HPSE2: variants seen among roughly 807,000 people sequenced by gnomAD.
HPSE2 encodes the protein inactive heparanase-2.
Under a neutral mutation model 60.5 loss-of-function variants are expected in HPSE2, and 38 were observed. That is an observed-to-expected ratio of 0.63 (90% CI 0.48 to 0.82). The LOEUF (loss-of-function observed/expected upper bound fraction) is 0.82. Among genes scored for constraint, HPSE2 ranks in the 40% least tolerant of loss-of-function variants. The pLI, the probability that HPSE2 is intolerant of heterozygous loss-of-function variation, is 0.00. For synonymous variants in HPSE2, 295 were observed against 293.2 expected (o/e 1.01, Z -0.06); for missense variants, 713 against 740.4 (o/e 0.96, Z 0.43).
intron 3 of HPSE2, among the ~76,000 whole-genome samples, chr10:99,040,443 A>C (rs1457780675): frequency 6.6e-6 from 1 of 152,178 alleles, no homozygotes; most frequent in South Asian, 2.1e-4. Flanking sequence ...TATTCTCACC[A>C]GTAGAGTCCA....
rs1955163231 is a variant in HPSE2 at position 98,945,786 on chromosome 10, G to A, written c.610+198452C>T. Reference sequence around the variant, plus strand: ...TTATCAAAACTCCTTTAGAGGAAATGAAATGGTACCTAAAAAGAGAAACAA... The same window carrying A: ...TTATCAAAACTCCTTTAGAGGAAATAAAATGGTACCTAAAAAGAGAAACAA... On this transcript the variant is annotated intron_variant, in intron 3 of 11. Coordinates refer to ENST00000370552, the MANE Select transcript of HPSE2 (RefSeq NM_021828.5). Among the ~76,000 whole-genome samples the A allele has an allele frequency of 5.3e-5, 8 of 152,248 alleles. No homozygotes were observed. In the South Asian group the frequency reaches 1.7e-3, roughly 32 times the overall value.
intron 3 of HPSE2, among the ~76,000 whole-genome samples, chr10:99,103,970 T>C (rs553205046): frequency 3.9e-5 from 6 of 152,158 alleles, no homozygotes; most frequent in Admixed American, 2.6e-4. Context: ...TTACACCTTA[T>C]ACAAAAATTA....
rs915610246 is a variant in HPSE2, at chr10:98,864,654, T to C, written c.611-120598A>G. Among the ~76,000 whole-genome samples the C allele has an allele frequency of 2.0e-5, 3 of 152,124 alleles. No individual in the cohort carries two copies. The East Asian group carries it at 5.8e-4, about 29-fold the overall frequency. On this transcript the variant is annotated intron_variant, in intron 3 of 11. Coordinates refer to ENST00000370552, the MANE Select transcript of HPSE2 (RefSeq NM_021828.5). ...ATGGTACATTTCCTAGAGCAGCTAA[T>C]AGGACACTCACAAACACAAGCTGCC...
intron 3 of HPSE2, among the ~76,000 whole-genome samples, chr10:98,967,790 T>A (rs1052051565): frequency 6.6e-6 from 1 of 152,184 alleles, no homozygotes. Context: ...TTGTTGCAGA[T>A]AGATGTAAGA....
At chr10:99,267,155 G>A in the HPSE2 span, among the ~76,000 whole-genome samples, 2 of 151,986 alleles carry the variant, frequency 1.3e-5, no homozygotes, top group South Asian at 2.1e-4. Flanking sequence ...AAACCAAGAC[G>A]AAATCCCTGA....
chr10:98,530,833 C>T (rs544209577), intron 9 of HPSE2, among the ~76,000 whole-genome samples: 2 of 152,214 alleles, frequency 1.3e-5, no homozygotes, highest in South Asian at 4.2e-4. Context: ...CCGAGGTGGC[C>T]CTACTGGAGA....
At chr10:99,023,432 A>T (rs2135431220) in intron 3 of HPSE2, among the ~76,000 whole-genome samples, 1 of 152,284 alleles carries the variant, frequency 6.6e-6, no homozygotes, top group East Asian at 1.9e-4. Flanking sequence ...CACCGACCTG[A>T]AAAGAAGAAT....
intron 6 of HPSE2, among the ~76,000 whole-genome samples, chr10:98,655,142 T>C (rs1177245158): frequency 6.6e-6 from 1 of 152,120 alleles, no homozygotes; most frequent in African/African-American, 2.4e-5. Context: ...TAGCATAGCT[T>C]TCCCCCTGTA....
At chr10:98,685,515 C>CT (rs974097925) in intron 6 of HPSE2, among the ~76,000 whole-genome samples, 31 of 152,168 alleles carry the variant, frequency 2.0e-4, no homozygotes, top group African/African-American at 7.2e-4. Flanking sequence ...TAGAAATGTG[C>CT]TTTTTTATAA....
chr10:99,003,409 T>C (rs920543639), intron 3 of HPSE2, among the ~76,000 whole-genome samples: 22 of 152,124 alleles, frequency 1.4e-4, no homozygotes, highest in African/African-American at 5.1e-4. Flanking sequence ...CTTCAGTTTT[T>C]TGAGGAATGT....
At chr10:99,237,199 G>C (rs1849880639), upstream of HPSE2, among the ~76,000 whole-genome samples, 1 of 152,192 alleles carries the variant, frequency 6.6e-6, no homozygotes, top group Admixed American at 6.5e-5. Flanking sequence ...GCTTCTTTCT[G>C]AGACAAAATG....
At chr10:99,251,200 G>A in the HPSE2 span, among the ~76,000 whole-genome samples, 1 of 152,136 alleles carries the variant, frequency 6.6e-6, no homozygotes, top group African/African-American at 2.4e-5. Flanking sequence ...GATCCTCAGA[G>A]ACTATTATGA....
At chr10:98,539,972 G>A (rs1368935622) in intron 9 of HPSE2, among the ~76,000 whole-genome samples, 1 of 152,222 alleles carries the variant, frequency 6.6e-6, no homozygotes, top group Non-Finnish European at 1.5e-5. Flanking sequence ...GAAGAAGTAG[G>A]GAACCGGGAT....
At chr10:99,168,434 C>T (rs1372195728) in intron 2 of HPSE2, among the ~76,000 whole-genome samples, 1 of 152,126 alleles carries the variant, frequency 6.6e-6, no homozygotes, top group Non-Finnish European at 1.5e-5. Flanking sequence ...GGTGAGTTCT[C>T]CCATTATTTC....
intron 3 of HPSE2, among the ~76,000 whole-genome samples, chr10:98,893,726 C>T (rs1953403844): frequency 6.6e-6 from 1 of 152,032 alleles, no homozygotes; most frequent in Non-Finnish European, 1.5e-5. Context: ...GAAAAGTAAG[C>T]ACTAAAGCCA....
rs532893010 is a variant in HPSE2, at chr10:98,736,982, G to T, written c.784+6901C>A. On this transcript the variant is annotated intron_variant, in intron 4 of 11. Coordinates refer to ENST00000370552, the MANE Select transcript of HPSE2 (RefSeq NM_021828.5). ...GAGTCTGTGGGGAAAGAATTGAGAA[G>T]ATGAAGGTTGAAGGAGAGAAGCAGA... Among the ~76,000 whole-genome samples the T allele has an allele frequency of 5.3e-5, 8 of 152,296 alleles. No homozygotes were observed. The East Asian group carries it at 1.5e-3, about 29-fold the overall frequency.
At chr10:98,845,148 C>T (rs944708264) in intron 3 of HPSE2, among the ~76,000 whole-genome samples, 8 of 152,096 alleles carry the variant, frequency 5.3e-5, no homozygotes, top group Non-Finnish European at 1.5e-5. Flanking sequence ...ATTGCCTCTG[C>T]CTGGGAGCTA....
At position 98,932,264 on chromosome 10, in the gene HPSE2, ATTACATT is replaced by A. The variant is rs1589384359; in HGVS notation, c.611-188215_611-188209del. ...GTCTTTAGTTCTGTTTATGTGATGA[ATTACATT>A]TATTGATTTGCATATATTGAACCAG... On this transcript the variant is annotated intron_variant, in intron 3 of 11. Transcript: ENST00000370552. Among the ~76,000 whole-genome samples, 2 of 144,250 alleles carry A rather than the reference ATTACATT, an allele frequency of 1.4e-5. 1 individual carries two copies. The highest frequency in any genetic ancestry group is 5.6e-5 in the African/African-American group (2 of 35,576). The allele number at this position is 144,250 out of a possible 152,430, so 94.6% of individuals were successfully genotyped here. A position where few individuals can be genotyped will look rare whatever the true frequency, so the allele number is the denominator to read the frequency against.
rs568434138 is a variant in HPSE2 at position 98,990,889 on chromosome 10, T to C, written c.610+153349A>G. 7.9e-5 allele frequency among the ~76,000 whole-genome samples: 12 copies of C among 152,306 alleles called. No homozygotes were observed. In the South Asian group the frequency reaches 2.5e-3, roughly 32 times the overall value. ...CACATACACACAAAATGTCTTAGTT[T>C]ATTCTTCAGAACTTTTCCCAGTATA... is the stretch of plus-strand genomic sequence containing the variant. On this transcript the variant is annotated intron_variant, in intron 3 of 11. Transcript: ENST00000370552.
Sources: allele counts gnomAD v4.1 joint callset (sites outside exome capture counted in the v4.1 genomes callset), GRCh38; gene constraint gnomAD v4.1.1; transcripts MANE v1.5; gene names NCBI Gene and HGNC (gene_info 2026-07-23, HGNC 2026-07-21).